OBP2B: variants seen among roughly 807,000 people sequenced by gnomAD.
OBP2B encodes odorant binding protein 2B.
In OBP2B, 10 loss-of-function variants were observed where a neutral mutation model predicts 21.7. The observed-to-expected ratio is 0.46, with a 90% CI of 0.28 to 0.78. The LOEUF (loss-of-function observed/expected upper bound fraction) is 0.78. OBP2B is among the 30% of genes least tolerant of loss of function. The pLI is 0.11. For synonymous variants in OBP2B, 73 were observed against 91.5 expected (o/e 0.80, Z 1.16); for missense variants, 153 against 217.7 (o/e 0.70, Z 1.87).
At chr9:133,207,853 TC>T (rs1246046087) in intron 3 of OBP2B, 1 of 1,509,036 alleles carries the variant, frequency 6.6e-7, no homozygotes, top group Non-Finnish European at 8.9e-7. Context: ...ATCCTTGGCC[TC>T]CTTGTCCCAA....
intron 5 of OBP2B, 30 bp downstream of exon 5, chr9:133,206,285 A>T (rs782620039): frequency 1.3e-5 from 21 of 1,597,224 alleles, no homozygotes; most frequent in Non-Finnish European, 1.8e-5. Context: ...CAGCAGAGGG[A>T]CACAGGGGAC....
rs1132282 is a variant in OBP2B, at chr9:133,206,329, G to A, written c.476C>T (p.Thr159Met). Residue 159 changes from threonine (T) to methionine (M), a missense_variant, in exon 5 of 7, where the codon ACG (threonine) becomes ATG (methionine). This residue lies in a region of OBP2B where 151 missense variants were observed against 186.3 expected (regional missense o/e 0.81). Transcript: ENST00000372034. ...RKGLSEEDIF[T>M]PLQTGSCVPE... Reference sequence around the variant, plus strand: ...GCCATCCTCACCCGTCTGCAGGGGCGTGAAAATGTCCTCCTCCGAGAGTCC... The same window carrying A: ...GCCATCCTCACCCGTCTGCAGGGGCATGAAAATGTCCTCCTCCGAGAGTCC... 106 of 1,613,858 alleles carry A rather than the reference G, an allele frequency of 6.6e-5. 1 individual carries two copies. Among genetic ancestry groups the A allele is most frequent in the Admixed American group, 3.3e-4 (20 of 59,986 alleles).
At chr9:133,220,911 T>C in the OBP2B span, among the ~76,000 whole-genome samples, 2 of 152,162 alleles carry the variant, frequency 1.3e-5, no homozygotes, top group African/African-American at 2.4e-5. Flanking sequence ...GCTGTGCTGC[T>C]GGCTTTGAAG....
chr9:133,219,297 G>A, the OBP2B span, among the ~76,000 whole-genome samples: 1 of 152,200 alleles, frequency 6.6e-6, no homozygotes, highest in African/African-American at 2.4e-5. Flanking sequence ...ACTTTTGTAC[G>A]TCAGTGGACA....
At chr9:133,220,468 G>T in the OBP2B span, among the ~76,000 whole-genome samples, 1 of 152,102 alleles carries the variant, frequency 6.6e-6, no homozygotes, top group Non-Finnish European at 1.5e-5. Flanking sequence ...ACTGAATAAT[G>T]GTCCCCTGAA....
upstream of OBP2B, among the ~76,000 whole-genome samples, chr9:133,211,617 A>G (rs1343935182): frequency 1.3e-5 from 2 of 152,216 alleles, no homozygotes; most frequent in African/African-American, 4.8e-5. Context: ...TCTTCCTTCT[A>G]AGTGGAACAA....
At chr9:133,223,213 G>A in the OBP2B span, among the ~76,000 whole-genome samples, 6 of 152,328 alleles carry the variant, frequency 3.9e-5, no homozygotes, top group South Asian at 8.3e-4. This position sits in a 1 kb window ranked among gnomAD's most constrained non-coding sequence, Gnocchi z 4.4. Flanking sequence ...ATGGAGAAAG[G>A]ACTCTGTGCT....
upstream of OBP2B, among the ~76,000 whole-genome samples, chr9:133,212,804 G>A (rs1243510136): frequency 3.3e-5 from 5 of 152,216 alleles, no homozygotes; most frequent in Admixed American, 1.3e-4. Flanking sequence ...GGTGGTGCAC[G>A]CCTGTAATCC....
At chr9:133,216,484 TAA>T in the OBP2B span, among the ~76,000 whole-genome samples, 14 of 144,800 alleles carry the variant, frequency 9.7e-5, 1 homozygote, top group African/African-American at 3.3e-4. Context: ...TTGACAGGTT[TAA>T]AAAAAAAAAA....
At chr9:133,218,716 C>G in the OBP2B span, among the ~76,000 whole-genome samples, 7 of 152,156 alleles carry the variant, frequency 4.6e-5, no homozygotes, top group African/African-American at 1.7e-4. Flanking sequence ...GAGGGAATTT[C>G]AATCCACCAC....
chr9:133,218,207 G>A, the OBP2B span, among the ~76,000 whole-genome samples: 2 of 152,222 alleles, frequency 1.3e-5, no homozygotes, highest in Non-Finnish European at 1.5e-5. Flanking sequence ...AGCATCCAGT[G>A]CCAGCCTGGA....
At chr9:133,207,373 G>C in intron 3 of OBP2B, 37 bp from the exon 4 acceptor site, 2 of 1,344,240 alleles carry the variant, frequency 1.5e-6, no homozygotes, top group South Asian at 2.4e-5. Context: ...TTCCCAGAGA[G>C]AACACTCGGG....
chr9:133,218,487 T>A, the OBP2B span, among the ~76,000 whole-genome samples: 1 of 152,134 alleles, frequency 6.6e-6, no homozygotes, highest in Non-Finnish European at 1.5e-5. Flanking sequence ...GAGAAAGCAG[T>A]TAGAAAAGAC....
At chr9:133,209,825 G>A (rs1833874750), upstream of OBP2B, among the ~76,000 whole-genome samples, 1 of 152,112 alleles carries the variant, frequency 6.6e-6, no homozygotes, top group Non-Finnish European at 1.5e-5. The surrounding 1 kb of genome is among the most constrained non-coding windows in gnomAD (Gnocchi z 6.0). Context: ...GTGGCTCAGG[G>A]TCAGTTTATA....
At chr9:133,216,878 C>T in the OBP2B span, among the ~76,000 whole-genome samples, 1 of 152,140 alleles carries the variant, frequency 6.6e-6, no homozygotes, top group African/African-American at 2.4e-5. Flanking sequence ...GGTGAAGATA[C>T]ACATGATAGC....
the OBP2B span, among the ~76,000 whole-genome samples, chr9:133,216,049 C>T: frequency 6.2e-4 from 94 of 152,148 alleles, no homozygotes; most frequent in African/African-American, 2.2e-3. Context: ...AGATGTGTCA[C>T]CAAAAATATG....
In OBP2B at chr9:133,205,290, G is replaced by C. The variant is rs3174143; in HGVS notation, c.*123C>G. 4,453 of 1,476,884 alleles carry C rather than the reference G, an allele frequency of 3.0e-3. 15 individuals are homozygous for C. Among genetic ancestry groups the C allele is most frequent in the South Asian group, 4.6e-3 (363 of 78,110 alleles). 91.5% of individuals were successfully genotyped at this position (1,476,884 alleles called of 1,614,324 possible). A position where few individuals can be genotyped will look rare whatever the true frequency, so the allele number is the denominator to read the frequency against. On this transcript the variant is annotated 3_prime_UTR_variant, in exon 7 of 7. Transcript: ENST00000372034. ...GGCCTGCCCAGAGCTGGGGGAGAAG[G>C]ACTTTATTTGGAGTCAGGTGGGTGG...
At chr9:133,216,113 G>C in the OBP2B span, among the ~76,000 whole-genome samples, 1 of 151,770 alleles carries the variant, frequency 6.6e-6, no homozygotes, top group Non-Finnish European at 1.5e-5. Context: ...AAAACCTTTT[G>C]CTCTGTAAGA....
chr9:133,208,764 G>T (rs1833834154), intron 1 of OBP2B, among the ~76,000 whole-genome samples, 162 bp from the exon 2 acceptor site: 1 of 152,142 alleles, frequency 6.6e-6, no homozygotes, highest in African/African-American at 2.4e-5. Flanking sequence ...GCTGGAGTGA[G>T]TTAGAGCCAG....
Sources: gnomAD v4.1 joint callset for allele counts (sites outside exome capture counted in the v4.1 genomes callset) on GRCh38, gnomAD v4.1.1 for gene constraint, gnomAD v4.1.1 regional missense constraint, Gnocchi (gnomAD v3.1) non-coding constraint, MANE v1.5 for transcripts, NCBI Gene and HGNC (gene_info 2026-07-23, HGNC 2026-07-21) for gene names.